Variants in ARMH1 observed in about 807,000 individuals in gnomAD.
ARMH1 encodes the protein armadillo like helical domain containing 1, also known as armadillo-like helical domain containing protein 1.
Under a neutral mutation model 50.2 loss-of-function variants are expected in ARMH1, and 34 were observed. The observed-to-expected ratio is 0.68, with a 90% CI of 0.51 to 0.90. The LOEUF (loss-of-function observed/expected upper bound fraction) is 0.90. ARMH1 is among the 40% of genes least tolerant of loss of function. ARMH1 has a pLI of 0.00. For synonymous variants in ARMH1, 221 were observed against 224.2 expected, an observed-to-expected ratio of 0.99 and a Z score of 0.13; for missense variants, 538 against 553.9, an observed-to-expected ratio of 0.97 and a Z score of 0.29.
intron 2 of ARMH1, among the ~76,000 whole-genome samples, chr1:44,693,200 C>G (rs1437197504): frequency 6.6e-6 from 1 of 152,152 alleles, no homozygotes; most frequent in East Asian, 1.9e-4. Context: ...GCCAGTGGTC[C>G]CCGGGTTATG....
intron 6 of ARMH1, among the ~76,000 whole-genome samples, chr1:44,708,971 C>A (rs1032072101): frequency 6.6e-6 from 1 of 152,138 alleles, no homozygotes; most frequent in Non-Finnish European, 1.5e-5. Flanking sequence ...GTTAAAAGAG[C>A]CCCTCTTTGA....
chr1:44,704,925 C>G (rs1646272145), intron 6 of ARMH1, among the ~76,000 whole-genome samples: 1 of 151,388 alleles, frequency 6.6e-6, no homozygotes. Flanking sequence ...AGCTCTGCCT[C>G]CCGGGTTCAC....
At position 44,724,287 on chromosome 1, in the gene ARMH1, C is replaced by T; in HGVS notation, c.848-33C>T. The T allele has an allele frequency of 6.4e-7, 1 of 1,550,762 alleles. No homozygotes were observed. Among genetic ancestry groups the T allele is most frequent in the South Asian group, 1.2e-5 (1 of 84,006 alleles). ...TGGGGCTGCCTGGGCCACGGGAGGG[C>T]GGTCTCTTGCCTCACGGCTGCCCCC... On this transcript the variant is annotated intron_variant, in intron 7 of 11. Transcript: ENST00000535358. This position sits in a 1 kb window ranked among gnomAD's most constrained non-coding sequence, Gnocchi z 6.4.
At position 44,701,612 on chromosome 1, in the gene ARMH1, A is replaced by G. The variant is rs573428515; in HGVS notation, c.639+493A>G. Among the ~76,000 whole-genome samples, 106 of 152,200 alleles carry G rather than the reference A, an allele frequency of 7.0e-4. 1 individual carries two copies. Among genetic ancestry groups the G allele is most frequent in the African/African-American group, 2.5e-3 (104 of 41,504 alleles). Reference sequence around the variant, plus strand: ...ACATCGTACCTAGTAAAGAGGGGATAGAGGCTTAAAAAGTGGCTTTAAGAT... The same window carrying G: ...ACATCGTACCTAGTAAAGAGGGGATGGAGGCTTAAAAAGTGGCTTTAAGAT... On this transcript the variant is annotated intron_variant, in intron 5 of 11. Transcript: ENST00000535358.
intron 2 of ARMH1, 81 bp downstream of exon 2, chr1:44,689,984 CCAAGGTGGGCAGATCA>C: frequency 8.1e-7 from 1 of 1,231,576 alleles, no homozygotes; most frequent in Non-Finnish European, 1.1e-6. Context: ...CTTTGGGAGG[CCAAGGTGGGCAGATCA>C]CAAGGTCAGG....
chr1:44,704,517 G>T (rs1403494092), intron 6 of ARMH1, among the ~76,000 whole-genome samples: 5 of 146,604 alleles, frequency 3.4e-5, no homozygotes, highest in African/African-American at 5.0e-5. Context: ...TTTTTGCTGG[G>T]TTTTTTTTTT....
In ARMH1 at chr1:44,682,605, A is replaced by T. The variant is rs1388226274; in HGVS notation, c.-22-7071A>T. Among the ~76,000 whole-genome samples, 2 of 152,140 alleles carry T rather than the reference A, an allele frequency of 1.3e-5. No homozygotes were observed. Among genetic ancestry groups the T allele is most frequent in the East Asian group, 3.8e-4 (2 of 5,196 alleles). On this transcript the variant is annotated intron_variant, in intron 1 of 11. Transcript: ENST00000535358. The surrounding 1 kb of genome is among the most constrained non-coding windows in gnomAD (Gnocchi z 4.5). ...AACCACTGAAGAGTTTGAAGCAGTG[A>T]AATCTGTCAGATTTGTACTTTTAAA...
At chr1:44,695,066 G>A (rs781071383) in intron 2 of ARMH1, among the ~76,000 whole-genome samples, 10 of 152,056 alleles carry the variant, frequency 6.6e-5, no homozygotes, top group African/African-American at 1.7e-4. Context: ...CTCCACCTGC[G>A]ACACCACACT....
chr1:44,708,185 G>A (rs540043498), intron 6 of ARMH1, among the ~76,000 whole-genome samples: 1 of 152,200 alleles, frequency 6.6e-6, no homozygotes, highest in African/African-American at 2.4e-5. Context: ...AAGTTCCTAC[G>A]GGTCCTACAT....
chr1:44,699,802 C>G (rs1645979250), intron 4 of ARMH1, among the ~76,000 whole-genome samples: 1 of 151,590 alleles, frequency 6.6e-6, no homozygotes, highest in African/African-American at 2.4e-5. Flanking sequence ...ATGCCATCCC[C>G]CACATCTCCC....
In ARMH1 at chr1:44,691,153, G is replaced by A. The variant is rs560845465; in HGVS notation, c.206+1250G>A. The stretch of plus-strand genomic sequence containing the variant: ...CATGCCTGTAATCCCAGCTACCCGG[G>A]AGGCTGAGGCAGGAGAATCATTTGA... On this transcript the variant is annotated intron_variant, in intron 2 of 11. Transcript: ENST00000535358. Among the ~76,000 whole-genome samples, 9 of 152,084 alleles carry A rather than the reference G, an allele frequency of 5.9e-5. No homozygotes were observed. The South Asian group carries it at 1.9e-3, about 32-fold the overall frequency.
intron 6 of ARMH1, among the ~76,000 whole-genome samples, chr1:44,721,062 C>T (rs1557565723): frequency 6.6e-6 from 1 of 151,292 alleles, no homozygotes; most frequent in Non-Finnish European, 1.5e-5. Context: ...AAAAAAAGGG[C>T]AAAAGAAAGA....
intron 1 of ARMH1, among the ~76,000 whole-genome samples, chr1:44,677,239 G>A (rs1037970323): frequency 4.6e-5 from 7 of 152,212 alleles, no homozygotes; most frequent in African/African-American, 1.7e-4. Context: ...CAGTTATCAT[G>A]GCCCTGTCGA....
rs552315109 is a variant in ARMH1 at position 44,697,138 on chromosome 1, G to A, written c.243G>A (p.Arg81=). The change falls in exon 3 of 12, where the codon AGG becomes AGA. Residue 81 remains arginine (R), a synonymous_variant. Coordinates refer to ENST00000535358, the MANE Select transcript of ARMH1 (RefSeq NM_001145636.2). The stretch of plus-strand genomic sequence containing the variant: ...ACTCATGTTTAGAAAAGCTTCTCAG[G>A]TCCATTGGCATCTTCTTATCAGCTG... ...MTDSCLEKLL[R]SIGIFLSAVS... The A allele has an allele frequency of 2.7e-5, 42 of 1,551,984 alleles. 1 individual carries two copies. In the South Asian group the frequency reaches 3.8e-4, roughly 14 times the overall value.
intron 6 of ARMH1, among the ~76,000 whole-genome samples, chr1:44,722,656 A>T (rs139981399): frequency 0.042 from 6,396 of 152,116 alleles, 183 homozygotes; most frequent in Admixed American, 0.059. Context: ...AGGCAGGAGT[A>T]TCGCTTGAAC....
intron 2 of ARMH1, among the ~76,000 whole-genome samples, chr1:44,690,269 G>A (rs1292169798): frequency 6.6e-6 from 1 of 151,668 alleles, no homozygotes; most frequent in Non-Finnish European, 1.5e-5. Context: ...GAAAAGGAGA[G>A]GAGATTGTCA....
At position 44,705,492 on chromosome 1, in the gene ARMH1, C is replaced by CA. The variant is rs998323345; in HGVS notation, c.724+1329dup. Among the ~76,000 whole-genome samples, 355 of 141,116 alleles carry CA rather than the reference C, an allele frequency of 2.5e-3. 3 individuals carry two copies. The highest frequency in any genetic ancestry group is 8.4e-3 in the African/African-American group (323 of 38,288). 92.6% of individuals were successfully genotyped at this position (141,116 alleles called of 152,430 possible). A position where few individuals can be genotyped will look rare whatever the true frequency, so the allele number is the denominator to read the frequency against. On this transcript the variant is annotated intron_variant, in intron 6 of 11. Coordinates refer to ENST00000535358, the MANE Select transcript of ARMH1 (RefSeq NM_001145636.2). Reference sequence around the variant, plus strand: ...TGGGTGACAGAGCAAGATTCTGTCTCAAAAAAAAAACAACAAAACAACAGC... The same window carrying CA: ...TGGGTGACAGAGCAAGATTCTGTCTCAAAAAAAAAAACAACAAAACAACAGC...
At chr1:44,692,191 G>A (rs915556765) in intron 2 of ARMH1, among the ~76,000 whole-genome samples, 2 of 152,150 alleles carry the variant, frequency 1.3e-5, no homozygotes, top group African/African-American at 4.8e-5. Flanking sequence ...GGAGTTTGAA[G>A]CTGCAGTGAG....
In ARMH1 at chr1:44,699,238, C is replaced by T. The variant is rs1359998155; in HGVS notation, c.442+1009C>T. 2.7e-5 allele frequency among the ~76,000 whole-genome samples: 4 copies of T among 146,102 alleles called. No individual in the cohort carries two copies. In the South Asian group the frequency reaches 6.5e-4, roughly 24 times the overall value. On this transcript the variant is annotated intron_variant, in intron 4 of 11. Transcript: ENST00000535358. ...GGTGGACATTGCAGTGAGCCGAGAT[C>T]GCGCCACTGCACTCTAGCCTGGGCT...
Sources: allele counts gnomAD v4.1 joint callset (sites outside exome capture counted in the v4.1 genomes callset), GRCh38; gene constraint gnomAD v4.1.1; non-coding constraint Gnocchi (gnomAD v3.1); transcripts MANE v1.5; gene names NCBI Gene and HGNC (gene_info 2026-07-23, HGNC 2026-07-21).